The following GALNT13 variants were observed in gnomAD, a reference collection of about 807,000 sequenced individuals.
The protein encoded by GALNT13 is polypeptide N-acetylgalactosaminyltransferase 13, also known as UDP-GalNAc:polypeptide N-acetylgalactosaminyltransferase 13.
In GALNT13, 28 loss-of-function variants were observed where a neutral mutation model predicts 64.2. The observed-to-expected ratio is 0.44, with a 90% CI of 0.32 to 0.60. The LOEUF (loss-of-function observed/expected upper bound fraction) is 0.60, where lower values mean the gene tolerates loss of function less well. Among genes scored for constraint, GALNT13 ranks in the 20% least tolerant of loss-of-function variants. The pLI, the probability that GALNT13 is intolerant of heterozygous loss-of-function variation, is 0.05. For synonymous variants in GALNT13, 214 were observed against 224.6 expected (o/e 0.95, Z 0.42); for missense variants, 577 against 669.8 (o/e 0.86, Z 1.53).
intron 3 of GALNT13, among the ~76,000 whole-genome samples, chr2:153,955,665 A>G (rs1052429217): frequency 1.3e-5 from 2 of 152,158 alleles, no homozygotes; most frequent in African/African-American, 2.4e-5. Flanking sequence ...CAAGCCCCAG[A>G]GTGGATCTTA....
chr2:153,227,356 G>A, the GALNT13 span, among the ~76,000 whole-genome samples: 1 of 152,272 alleles, frequency 6.6e-6, no homozygotes, highest in East Asian at 1.9e-4. Context: ...AGAAAGAGGG[G>A]CAAGGAAGTC....
chr2:153,151,163 C>T, the GALNT13 span, among the ~76,000 whole-genome samples: 1 of 151,944 alleles, frequency 6.6e-6, no homozygotes, highest in Non-Finnish European at 1.5e-5. Flanking sequence ...GTTTGTAGTT[C>T]TCCTTGAGGA....
chr2:153,146,641 C>T, the GALNT13 span, among the ~76,000 whole-genome samples: 2 of 151,830 alleles, frequency 1.3e-5, no homozygotes, highest in African/African-American at 2.4e-5. Context: ...TTCAAGTCAG[C>T]CAGTCTTCTT....
intron 3 of GALNT13, among the ~76,000 whole-genome samples, chr2:153,963,153 T>A (rs1693056478): frequency 6.6e-6 from 1 of 152,204 alleles, no homozygotes; most frequent in Non-Finnish European, 1.5e-5. Flanking sequence ...AGGAGCATTG[T>A]TGTCTTTATG....
the GALNT13 span, among the ~76,000 whole-genome samples, chr2:153,190,436 T>G: frequency 6.6e-6 from 1 of 152,132 alleles, no homozygotes; most frequent in Non-Finnish European, 1.5e-5. Context: ...GTTTGATTTG[T>G]CTATGTGTCT....
the GALNT13 span, among the ~76,000 whole-genome samples, chr2:153,126,193 T>C: frequency 1.3e-5 from 2 of 151,572 alleles, no homozygotes; most frequent in Non-Finnish European, 2.9e-5. Flanking sequence ...GACAGTAACT[T>C]GGAACTCAAC....
intron 3 of GALNT13, among the ~76,000 whole-genome samples, chr2:154,060,304 C>T (rs1020249969): frequency 2.0e-5 from 3 of 152,088 alleles, no homozygotes; most frequent in Non-Finnish European, 2.9e-5. Flanking sequence ...ACCAAGATTG[C>T]TGTCTTGGTT....
the GALNT13 span, among the ~76,000 whole-genome samples, chr2:153,562,944 C>T: frequency 6.6e-6 from 1 of 152,098 alleles, no homozygotes; most frequent in African/African-American, 2.4e-5. Flanking sequence ...TGTACCTTTG[C>T]AAATATGTAG....
the GALNT13 span, among the ~76,000 whole-genome samples, chr2:153,750,792 G>GT: frequency 2.6e-5 from 4 of 150,954 alleles, no homozygotes; most frequent in Non-Finnish European, 3.0e-5. Flanking sequence ...GATTTTTGTT[G>GT]TTTTTTATTT....
the GALNT13 span, among the ~76,000 whole-genome samples, chr2:153,347,095 G>A: frequency 6.6e-6 from 1 of 152,202 alleles, no homozygotes. Context: ...TTGGGCATAA[G>A]GATACTCAAG....
intron 8 of GALNT13, among the ~76,000 whole-genome samples, chr2:154,300,083 TTTTC>T (rs1693343891): frequency 7.0e-6 from 1 of 142,512 alleles, no homozygotes; most frequent in African/African-American, 2.6e-5. Context: ...GATAGTTTTT[TTTTC>T]TTTCTTTCTC....
intron 2 of GALNT13, among the ~76,000 whole-genome samples, chr2:153,935,358 A>G (rs915664399): frequency 2.6e-5 from 4 of 152,220 alleles, no homozygotes; most frequent in Admixed American, 6.5e-5. Flanking sequence ...ATACAAACAT[A>G]TAGCCCAAAG....
the GALNT13 span, among the ~76,000 whole-genome samples, chr2:153,588,033 A>T: frequency 6.6e-6 from 1 of 152,182 alleles, no homozygotes; most frequent in Non-Finnish European, 1.5e-5. Flanking sequence ...CTCCAAAATG[A>T]TCTCCTTTGA....
chr2:153,815,154 A>T, the GALNT13 span, among the ~76,000 whole-genome samples: 2 of 152,162 alleles, frequency 1.3e-5, no homozygotes, highest in Non-Finnish European at 2.9e-5. Flanking sequence ...TCTTTCTCAG[A>T]TGGACTTCAT....
chr2:154,109,618 T>C (rs1702821128), intron 3 of GALNT13, among the ~76,000 whole-genome samples: 1 of 152,204 alleles, frequency 6.6e-6, no homozygotes, highest in South Asian at 2.1e-4. Flanking sequence ...GCTTCTTACA[T>C]ATGGGCTTCA....
chr2:154,388,007 T>C (rs1360774636), intron 9 of GALNT13, among the ~76,000 whole-genome samples: 1 of 152,168 alleles, frequency 6.6e-6, no homozygotes, highest in Non-Finnish European at 1.5e-5. Context: ...ACCACTTTTA[T>C]AATGGCTGTA....
the GALNT13 span, among the ~76,000 whole-genome samples, chr2:153,219,650 T>C: frequency 6.6e-6 from 1 of 152,258 alleles, no homozygotes; most frequent in Admixed American, 6.5e-5. Flanking sequence ...ATTTAGTATC[T>C]ACTATAGGTA....
At chr2:154,292,819 A>G (rs1202588034) in intron 8 of GALNT13, among the ~76,000 whole-genome samples, 1 of 151,770 alleles carries the variant, frequency 6.6e-6, no homozygotes, top group Non-Finnish European at 1.5e-5. Flanking sequence ...AATTAGAAAC[A>G]ATAGTAGCAC....
chr2:154,313,437 TACACACAC>T (rs149447992), intron 9 of GALNT13, among the ~76,000 whole-genome samples: 1 of 137,526 alleles, frequency 7.3e-6, no homozygotes, highest in African/African-American at 2.7e-5. Flanking sequence ...TATATATATA[TACACACAC>T]ACACAATATA....
Sources: gnomAD v4.1 joint callset for allele counts (sites outside exome capture counted in the v4.1 genomes callset) on GRCh38, gnomAD v4.1.1 for gene constraint, MANE v1.5 for transcripts, NCBI Gene and HGNC (gene_info 2026-07-23, HGNC 2026-07-21) for gene names.